The following ARHGAP44 variants were observed in gnomAD, a reference collection of about 807,000 sequenced individuals.
The protein encoded by ARHGAP44 is rho GTPase-activating protein 44.
ARHGAP44 carries 43 observed loss-of-function variants against 106.8 expected under a neutral mutation model. The observed-to-expected ratio is 0.40, with a 90% CI of 0.32 to 0.52. The LOEUF is 0.52. ARHGAP44 is among the 20% of genes least tolerant of loss of function. The pLI, the probability that ARHGAP44 is intolerant of heterozygous loss-of-function variation, is 0.48. For synonymous variants in ARHGAP44, 439 were observed against 410.3 expected (o/e 1.07, Z -0.85); for missense variants, 866 against 1,050.5 (o/e 0.82, Z 2.43).
chr17:12,830,334 C>CT (rs1043083803), intron 1 of ARHGAP44, among the ~76,000 whole-genome samples: 3 of 151,254 alleles, frequency 2.0e-5, no homozygotes, highest in Admixed American at 6.6e-5. Flanking sequence ...TAAGAGAGGT[C>CT]TTTTTTTTTC....
chr17:12,950,469 G>T (rs1327191722), intron 12 of ARHGAP44, among the ~76,000 whole-genome samples: 1 of 152,174 alleles, frequency 6.6e-6, no homozygotes. Flanking sequence ...AGCAGGCAAA[G>T]CCACTAGCCC....
At chr17:12,899,469 G>A (rs1486679209) in intron 3 of ARHGAP44, among the ~76,000 whole-genome samples, 1 of 152,132 alleles carries the variant, frequency 6.6e-6, no homozygotes, top group African/African-American at 2.4e-5. Context: ...AGATGTAATA[G>A]GAAACGTGAC....
At position 12,789,751 on chromosome 17, in the gene ARHGAP44, T is replaced by G. The variant is rs2033675306; in HGVS notation, c.-88T>G. 8.0e-7 allele frequency: 1 copy of G among 1,246,376 alleles called. No individual in the cohort carries two copies. The highest frequency in any genetic ancestry group is 1.0e-6 in the Non-Finnish European group (1 of 962,082). The allele number at this position is 1,246,376 out of a possible 1,614,324, so 77.2% of individuals were successfully genotyped here. On this transcript the variant is annotated 5_prime_UTR_variant, in exon 1 of 21. Transcript: ENST00000379672. ...GTGCCGCCGCCGTCGCCCGGGAGGC[T>G]CCGCGCGGGAGCCATGTAACCCTGC...
chr17:12,841,585 GTCTC>G (rs146801593), intron 1 of ARHGAP44, among the ~76,000 whole-genome samples: 2 of 123,214 alleles, frequency 1.6e-5, no homozygotes, highest in Non-Finnish European at 3.3e-5. Context: ...CTGTCTCTCT[GTCTC>G]TCTCTCACAC....
chr17:12,910,361 T>C (rs1385980539), intron 4 of ARHGAP44, among the ~76,000 whole-genome samples: 1 of 141,942 alleles, frequency 7.0e-6, no homozygotes, highest in Non-Finnish European at 1.5e-5. Flanking sequence ...GAAAAGCAAA[T>C]AAATTTTATT....
intron 1 of ARHGAP44, among the ~76,000 whole-genome samples, chr17:12,833,437 G>GT (rs1256251607): frequency 1.3e-5 from 2 of 152,062 alleles, no homozygotes; most frequent in African/African-American, 4.8e-5. Flanking sequence ...TTTTGTTTTT[G>GT]TTTTTTCCTT....
At chr17:12,932,636 A>G (rs897129042) in intron 7 of ARHGAP44, among the ~76,000 whole-genome samples, 1 of 151,674 alleles carries the variant, frequency 6.6e-6, no homozygotes, top group Non-Finnish European at 1.5e-5. Flanking sequence ...TTCATGTTAT[A>G]CACCTATTTT....
intron 1 of ARHGAP44, among the ~76,000 whole-genome samples, chr17:12,888,576 T>C (rs2036949581): frequency 1.3e-5 from 2 of 152,058 alleles, no homozygotes; most frequent in Non-Finnish European, 2.9e-5. Context: ...TTGGGTGGAG[T>C]GTTCTGTAAG....
intron 1 of ARHGAP44, among the ~76,000 whole-genome samples, chr17:12,848,859 C>T (rs2035647948): frequency 6.6e-6 from 1 of 151,988 alleles, no homozygotes; most frequent in Admixed American, 6.6e-5. Context: ...CCAGCCTGAC[C>T]AACATGGAGA....
intron 1 of ARHGAP44, among the ~76,000 whole-genome samples, chr17:12,797,388 C>T (rs910728070): frequency 1.3e-5 from 2 of 152,070 alleles, no homozygotes; most frequent in African/African-American, 4.8e-5. Context: ...TCATACCCAC[C>T]ATATTGAAGT....
At chr17:12,989,101 C>CGAAAAAA (rs1598173210) in intron 20 of ARHGAP44, among the ~76,000 whole-genome samples, 6 of 45,162 alleles carry the variant, frequency 1.3e-4, no homozygotes, top group Admixed American at 3.6e-4. Context: ...CCACCCCCCC[C>CGAAAAAA]AAAAAAAAAA....
chr17:12,806,076 G>A (rs755134144), intron 1 of ARHGAP44, among the ~76,000 whole-genome samples: 1 of 152,176 alleles, frequency 6.6e-6, no homozygotes, highest in Non-Finnish European at 1.5e-5. Flanking sequence ...TTCCTGAAGG[G>A]AAATCTGGCG....
chr17:12,859,982 G>A (rs191231118), intron 1 of ARHGAP44, among the ~76,000 whole-genome samples: 78 of 152,288 alleles, frequency 5.1e-4, no homozygotes, highest in Non-Finnish European at 7.8e-4. Flanking sequence ...TATAGGGGTG[G>A]TCCCTAGTTG....
intron 1 of ARHGAP44, among the ~76,000 whole-genome samples, chr17:12,812,156 G>A (rs899535978): frequency 6.6e-5 from 10 of 152,140 alleles, no homozygotes; most frequent in East Asian, 1.9e-4. Flanking sequence ...TCTTACCCTC[G>A]AGGGGCTTAT....
intron 1 of ARHGAP44, among the ~76,000 whole-genome samples, chr17:12,864,040 C>T (rs1176087244): frequency 2.0e-5 from 3 of 152,170 alleles, no homozygotes; most frequent in Admixed American, 2.0e-4. Flanking sequence ...CAGGACTGAG[C>T]ATCCATGTCA....
At chr17:12,834,890 T>C (rs1469392832) in intron 1 of ARHGAP44, among the ~76,000 whole-genome samples, 2 of 152,228 alleles carry the variant, frequency 1.3e-5, no homozygotes, top group African/African-American at 2.4e-5. Context: ...TTTTATCCTA[T>C]AATTATATCT....
chr17:12,791,184 C>T (rs949965202), intron 1 of ARHGAP44, among the ~76,000 whole-genome samples: 2 of 152,162 alleles, frequency 1.3e-5, no homozygotes, highest in Admixed American at 6.5e-5. Flanking sequence ...GTAACAATGT[C>T]TAAAATTGAC....
At chr17:12,879,765 G>C (rs2036670957) in intron 1 of ARHGAP44, among the ~76,000 whole-genome samples, 1 of 150,956 alleles carries the variant, frequency 6.6e-6, no homozygotes, top group South Asian at 2.1e-4. Flanking sequence ...CAAGGGGTTT[G>C]GGGCACTCAT....
intron 5 of ARHGAP44, among the ~76,000 whole-genome samples, chr17:12,918,329 A>G (rs2150953135): frequency 6.6e-6 from 1 of 152,296 alleles, no homozygotes; most frequent in South Asian, 2.1e-4. Flanking sequence ...AATAGAAAGC[A>G]CTTCAGAGAA....
Sources: gnomAD v4.1 joint callset for allele counts (sites outside exome capture counted in the v4.1 genomes callset) on GRCh38, gnomAD v4.1.1 for gene constraint, MANE v1.5 for transcripts, NCBI Gene and HGNC (gene_info 2026-07-23, HGNC 2026-07-21) for gene names.